Variants in KCNQ1OT1 observed in about 807,000 individuals in gnomAD.
The protein encoded by KCNQ1OT1 is KCNQ1 antisense RNA 2 (non-protein coding).
At position 2,627,281 on chromosome 11, in the gene KCNQ1OT1, T is replaced by C. The variant is rs1211114428; in HGVS notation, n.72714A>G. 1 of 398,446 alleles carries C rather than the reference T, an allele frequency of 2.5e-6. No homozygotes were observed. Among genetic ancestry groups the C allele is most frequent in the Non-Finnish European group, 4.4e-6 (1 of 226,060 alleles). The allele number at this position is 398,446 out of a possible 1,614,324, so 24.7% of individuals were successfully genotyped here. A position where few individuals can be genotyped will look rare whatever the true frequency, so the allele number is the denominator to read the frequency against. On this transcript the variant is annotated non_coding_transcript_exon_variant, in exon 1 of 1. Coordinates refer to ENST00000597346, the Ensembl canonical transcript of KCNQ1OT1. The surrounding 1 kb of genome is among the most constrained non-coding windows in gnomAD (Gnocchi z 4.9). ...ATTACTACAATCAAGCCAATTAACA[T>C]ATACCTTACATAGTTGCCATGTGTG...
Position 2,663,638 on chromosome 11 carries a change from G to T in KCNQ1OT1, n.36357C>A, listed in dbSNP as rs1850009842. ...GGACCAGCATCCAGACATGCAAAAAGTCCTACTGGGAGGAGAGGGCCATCA... is the reference window on the plus strand; with the variant it reads ...GGACCAGCATCCAGACATGCAAAAATTCCTACTGGGAGGAGAGGGCCATCA... On this transcript the variant is annotated non_coding_transcript_exon_variant, in exon 1 of 1. Coordinates refer to ENST00000597346, the Ensembl canonical transcript of KCNQ1OT1. The surrounding 1 kb of genome is among the most constrained non-coding windows in gnomAD (Gnocchi z 5.2). 1 of 398,682 alleles carries T rather than the reference G, an allele frequency of 2.5e-6. No homozygotes were observed. Among genetic ancestry groups the T allele is most frequent in the East Asian group, 3.6e-5 (1 of 28,076 alleles). 24.7% of individuals were successfully genotyped at this position (398,682 alleles called of 1,614,324 possible).
At chr11:2,665,592 A>G in exon 1 of KCNQ1OT1, 2 of 395,926 alleles carry the variant, frequency 5.1e-6, no homozygotes, top group Non-Finnish European at 4.4e-6. Context: ...CTGCTCAGTA[A>G]ACCCCCCAGG....
Position 2,678,011 on chromosome 11 carries a change from T to TA in KCNQ1OT1, n.21983dup. The TA allele has an allele frequency of 2.9e-6, 1 of 339,044 alleles. No homozygotes were observed. The highest frequency in any genetic ancestry group is 2.2e-4 in the South Asian group (1 of 4,584). The allele number at this position is 339,044 out of a possible 1,614,324, so 21.0% of individuals were successfully genotyped here. A position where few individuals can be genotyped will look rare whatever the true frequency, so the allele number is the denominator to read the frequency against. On this transcript the variant is annotated non_coding_transcript_exon_variant, in exon 1 of 1. Transcript: ENST00000597346. This position sits in a 1 kb window ranked among gnomAD's most constrained non-coding sequence, Gnocchi z 4.9. Reference sequence around the variant, plus strand: ...TGAGGTTTTTATCTTTCCAAATGCTTAAAATCATTTGTTTTTCTTTCTTGT... The same window carrying TA: ...TGAGGTTTTTATCTTTCCAAATGCTTAAAAATCATTTGTTTTTCTTTCTTGT...
At chr11:2,616,448 C>T (rs1332693896) in exon 1 of KCNQ1OT1, 31 of 391,276 alleles carry the variant, frequency 7.9e-5, no homozygotes, top group Non-Finnish European at 1.2e-4. Context: ...AGGTTTACTT[C>T]GTTCTTCTTT....
exon 1 of KCNQ1OT1, chr11:2,667,238 G>A (rs540782508): frequency 3.6e-4 from 142 of 398,582 alleles, no homozygotes; most frequent in Admixed American, 5.7e-4. Flanking sequence ...CACTTCCTCC[G>A]TCTGAGCACG....
exon 1 of KCNQ1OT1, chr11:2,618,357 G>A (rs1460664077): frequency 5.0e-6 from 2 of 398,448 alleles, no homozygotes; most frequent in Admixed American, 4.4e-5. Flanking sequence ...ACAAATTTGT[G>A]TTGGGCCTCA....
In KCNQ1OT1 at chr11:2,623,795, A is replaced by T. The variant is rs768469421; in HGVS notation, n.76200T>A. On this transcript the variant is annotated non_coding_transcript_exon_variant, in exon 1 of 1. Coordinates refer to ENST00000597346, the Ensembl canonical transcript of KCNQ1OT1. This position sits in a 1 kb window ranked among gnomAD's most constrained non-coding sequence, Gnocchi z 5.2. ...CCTTTGAGTAAATACCAAGGATGTG[A>T]TTGCTGAACTGCATGGTAAGAATAT... The T allele has an allele frequency of 5.3e-5, 21 of 398,472 alleles. No homozygotes were observed. Among genetic ancestry groups the T allele is most frequent in the Non-Finnish European group, 8.8e-5 (20 of 226,054 alleles). The allele number at this position is 398,472 out of a possible 1,614,324, so 24.7% of individuals were successfully genotyped here. A position where few individuals can be genotyped will look rare whatever the true frequency, so the allele number is the denominator to read the frequency against.
chr11:2,694,188 G>C, exon 1 of KCNQ1OT1: 1 of 398,666 alleles, frequency 2.5e-6, no homozygotes, highest in Non-Finnish European at 4.4e-6. Context: ...CCTGGGCCAG[G>C]GTCTTTCTCA....
In KCNQ1OT1 at chr11:2,673,721, A is replaced by G; in HGVS notation, n.26274T>C. 2.5e-6 allele frequency: 1 copy of G among 398,700 alleles called. No individual in the cohort carries two copies. The highest frequency in any genetic ancestry group is 4.4e-6 in the Non-Finnish European group (1 of 226,160). The allele number at this position is 398,700 out of a possible 1,614,324, so 24.7% of individuals were successfully genotyped here. ...GAGGTTGCTGAATCTCAGGGCTTGG[A>G]AGGCCCAGACTGGACAGGGGAAGGG... On this transcript the variant is annotated non_coding_transcript_exon_variant, in exon 1 of 1. Coordinates refer to ENST00000597346, the Ensembl canonical transcript of KCNQ1OT1. This position sits in a 1 kb window ranked among gnomAD's most constrained non-coding sequence, Gnocchi z 4.5.
rs1564852882 is a variant in KCNQ1OT1 at position 2,671,302 on chromosome 11, C to CT, written n.28692dup. The CT allele has an allele frequency of 2.5e-6, 1 of 398,520 alleles. No homozygotes were observed. The highest frequency in any genetic ancestry group is 4.4e-6 in the Non-Finnish European group (1 of 226,076). 24.7% of individuals were successfully genotyped at this position (398,520 alleles called of 1,614,324 possible). A position where few individuals can be genotyped will look rare whatever the true frequency, so the allele number is the denominator to read the frequency against. On this transcript the variant is annotated non_coding_transcript_exon_variant, in exon 1 of 1. Transcript: ENST00000597346. This position sits in a 1 kb window ranked among gnomAD's most constrained non-coding sequence, Gnocchi z 4.7. Reference sequence around the variant, plus strand: ...GCCTCTGATCTTCTCCATAAGTAATCTTTTCCCATGTGTGGCTGCAGCCTC... The same window carrying CT: ...GCCTCTGATCTTCTCCATAAGTAATCTTTTTCCCATGTGTGGCTGCAGCCTC...
chr11:2,623,581 A>G lies in KCNQ1OT1; in HGVS notation n.76414T>C, dbSNP rs1420110392. 1 of 398,346 alleles carries G rather than the reference A, an allele frequency of 2.5e-6. No homozygotes were observed. Among genetic ancestry groups the G allele is most frequent in the Non-Finnish European group, 4.4e-6 (1 of 226,010 alleles). 24.7% of individuals were successfully genotyped at this position (398,346 alleles called of 1,614,324 possible). A position where few individuals can be genotyped will look rare whatever the true frequency, so the allele number is the denominator to read the frequency against. On this transcript the variant is annotated non_coding_transcript_exon_variant, in exon 1 of 1. Coordinates refer to ENST00000597346, the Ensembl canonical transcript of KCNQ1OT1. The surrounding 1 kb of genome is among the most constrained non-coding windows in gnomAD (Gnocchi z 5.2). Reference sequence around the variant, plus strand: ...TAATATGTTTTTTAATTACCTCCATATCTTTTCATGGCTTGATAGCTCATT... The same window carrying G: ...TAATATGTTTTTTAATTACCTCCATGTCTTTTCATGGCTTGATAGCTCATT...
At chr11:2,699,756 G>A (rs992829163) in exon 1 of KCNQ1OT1, 4 of 359,580 alleles carry the variant, frequency 1.1e-5, no homozygotes, top group Middle Eastern at 6.8e-4. Context: ...CCCCAGAAGA[G>A]CGCCGCGCTG....
exon 1 of KCNQ1OT1, chr11:2,656,049 C>T: frequency 2.5e-6 from 1 of 398,664 alleles, no homozygotes. Context: ...GGTGGCTCAC[C>T]CTTGGCCCTC....
At chr11:2,641,400 T>A in exon 1 of KCNQ1OT1, 1 of 398,454 alleles carries the variant, frequency 2.5e-6, no homozygotes, top group Non-Finnish European at 4.4e-6. Context: ...TGGGCTTTTT[T>A]TTTTAAATAT....
In KCNQ1OT1 at chr11:2,687,277, C is replaced by T; in HGVS notation, n.12718G>A. On this transcript the variant is annotated non_coding_transcript_exon_variant, in exon 1 of 1. Coordinates refer to ENST00000597346, the Ensembl canonical transcript of KCNQ1OT1. The surrounding 1 kb of genome is among the most constrained non-coding windows in gnomAD (Gnocchi z 5.0). Reference sequence around the variant, plus strand: ...CTCCGGGCTTCTCTCCTCTGGCCTCCCACCTTGCAGCTTTGAGATCCCAGG... The same window carrying T: ...CTCCGGGCTTCTCTCCTCTGGCCTCTCACCTTGCAGCTTTGAGATCCCAGG... 2.5e-6 allele frequency: 1 copy of T among 398,698 alleles called. No individual in the cohort carries two copies. Among genetic ancestry groups the T allele is most frequent in the Non-Finnish European group, 4.4e-6 (1 of 226,102 alleles). The allele number at this position is 398,698 out of a possible 1,614,324, so 24.7% of individuals were successfully genotyped here. A position where few individuals can be genotyped will look rare whatever the true frequency, so the allele number is the denominator to read the frequency against.
At position 2,669,745 on chromosome 11, in the gene KCNQ1OT1, C is replaced by T. The variant is rs1850147520; in HGVS notation, n.30250G>A. 5.0e-6 allele frequency: 2 copies of T among 398,500 alleles called. No individual in the cohort carries two copies. Among genetic ancestry groups the T allele is most frequent in the Non-Finnish European group, 8.8e-6 (2 of 226,098 alleles). 24.7% of individuals were successfully genotyped at this position (398,500 alleles called of 1,614,324 possible). On this transcript the variant is annotated non_coding_transcript_exon_variant, in exon 1 of 1. Coordinates refer to ENST00000597346, the Ensembl canonical transcript of KCNQ1OT1. This position sits in a 1 kb window ranked among gnomAD's most constrained non-coding sequence, Gnocchi z 5.6. ...CGGGGAAATGCCTGAAAATATTAGC[C>T]AGCATAGAATGTCTCTTTGTGATGG...
chr11:2,640,550 C>T (rs2133828746), exon 1 of KCNQ1OT1: 1 of 370,096 alleles, frequency 2.7e-6, no homozygotes, highest in East Asian at 3.7e-5. Context: ...CCCCCCAAAG[C>T]ACTGGGATTT....
chr11:2,647,974 AAGGCCAAGGC>A lies in KCNQ1OT1; in HGVS notation n.52011_52020del, dbSNP rs759229197. Reference sequence around the variant, plus strand: ...CACACCTGTAAACCCAGTACTTTGGAAGGCCAAGGCAGGCCGATCGCTTGAGTCCAGGAGT... The same window carrying A: ...CACACCTGTAAACCCAGTACTTTGGAAGGCCGATCGCTTGAGTCCAGGAGT... On this transcript the variant is annotated non_coding_transcript_exon_variant, in exon 1 of 1. Coordinates refer to ENST00000597346, the Ensembl canonical transcript of KCNQ1OT1. The surrounding 1 kb of genome is among the most constrained non-coding windows in gnomAD (Gnocchi z 4.0). The A allele has an allele frequency of 3.0e-5, 12 of 397,648 alleles. No homozygotes were observed. Among genetic ancestry groups the A allele is most frequent in the African/African-American group, 6.2e-5 (3 of 48,438 alleles). The allele number at this position is 397,648 out of a possible 1,614,324, so 24.6% of individuals were successfully genotyped here. A position where few individuals can be genotyped will look rare whatever the true frequency, so the allele number is the denominator to read the frequency against.
At position 2,651,635 on chromosome 11, in the gene KCNQ1OT1, G is replaced by C; in HGVS notation, n.48360C>G. On this transcript the variant is annotated non_coding_transcript_exon_variant, in exon 1 of 1. Transcript: ENST00000597346. This position sits in a 1 kb window ranked among gnomAD's most constrained non-coding sequence, Gnocchi z 6.1. ...TTTGCTGATCTGCCTGCCCCACCTG[G>C]GGTCTCTGTCTCTCCCACAGCTCAC... The C allele has an allele frequency of 1.0e-5, 4 of 398,668 alleles. No individual in the cohort carries two copies. The highest frequency in any genetic ancestry group is 1.8e-5 in the Non-Finnish European group (4 of 226,094). 24.7% of individuals were successfully genotyped at this position (398,668 alleles called of 1,614,324 possible).
Sources: allele counts gnomAD v4.1 joint callset, GRCh38; gene constraint gnomAD v4.1.1; non-coding constraint Gnocchi (gnomAD v3.1); transcripts MANE v1.5; gene names NCBI Gene and HGNC (gene_info 2026-07-23, HGNC 2026-07-21).